The following TMEM52B variants were observed in gnomAD, a reference collection of about 807,000 sequenced individuals.
The protein encoded by TMEM52B is transmembrane protein 52B.
TMEM52B carries 11 observed loss-of-function variants against 16.1 expected under a neutral mutation model. The ratio of observed to expected loss-of-function variants is 0.68; its 90% CI spans 0.43 to 1.13. The LOEUF is 1.13. Among genes scored for constraint, TMEM52B ranks in the 50% most tolerant of loss-of-function variants. The pLI, the probability that TMEM52B is intolerant of heterozygous loss-of-function variation, is 0.00. For missense variants in TMEM52B, 243 were observed against 230.4 expected, an observed-to-expected ratio of 1.05 and a Z score of -0.35; for synonymous variants, 101 against 93.8, an observed-to-expected ratio of 1.08 and a Z score of -0.45.
At chr12:10,188,886 G>A (rs1238988344) in intron 4 of TMEM52B, among the ~76,000 whole-genome samples, 6 of 151,596 alleles carry the variant, frequency 4.0e-5, no homozygotes, top group Non-Finnish European at 5.9e-5. Flanking sequence ...GCGTGGTGGC[G>A]GGCGCCTGTA....
intron 1 of TMEM52B, 88 bp from the exon 2 acceptor site, chr12:10,182,462 A>C (rs748811218): frequency 2.3e-5 from 34 of 1,492,778 alleles, no homozygotes; most frequent in Non-Finnish European, 2.9e-5. Context: ...TTGATCTAAC[A>C]CAGCACAACC....
chr12:10,173,728 G>A (rs1948743431), intron 1 of TMEM52B, among the ~76,000 whole-genome samples: 1 of 145,900 alleles, frequency 6.9e-6, no homozygotes, highest in Non-Finnish European at 1.5e-5. Context: ...TTGTGCCACT[G>A]TACTCCAGCC....
chr12:10,186,666 C>A, intron 4 of TMEM52B, 77 bp downstream of exon 4: 3 of 1,354,804 alleles, frequency 2.2e-6, no homozygotes, highest in Non-Finnish European at 2.9e-6. Context: ...AGGTGTAGAA[C>A]CACTGATCGA....
chr12:10,170,608 C>T (rs950834866), exon 1 of TMEM52B: 1 of 151,144 alleles, frequency 6.6e-6, no homozygotes, highest in Non-Finnish European at 1.5e-5. Flanking sequence ...TCTCCTGCCT[C>T]AGCCTCCTGA....
upstream of TMEM52B, among the ~76,000 whole-genome samples, chr12:10,175,094 T>A (rs549191364): frequency 6.6e-6 from 1 of 152,330 alleles, no homozygotes; most frequent in East Asian, 1.9e-4. Flanking sequence ...GCTCTCATTA[T>A]TCCTGCCTCC....
At chr12:10,187,527 C>T (rs1033540275) in intron 4 of TMEM52B, among the ~76,000 whole-genome samples, 1 of 152,120 alleles carries the variant, frequency 6.6e-6, no homozygotes, top group African/African-American at 2.4e-5. Context: ...GCCTCAGCCT[C>T]CTGAGTAGCT....
intron 2 of TMEM52B, among the ~76,000 whole-genome samples, chr12:10,183,117 TA>T (rs1948842202): frequency 1.3e-5 from 2 of 152,182 alleles, no homozygotes; most frequent in Non-Finnish European, 2.9e-5. Context: ...GACATGAAGA[TA>T]AAAATGCAAA....
chr12:10,187,639 G>A (rs909652977), intron 4 of TMEM52B, among the ~76,000 whole-genome samples: 1 of 151,412 alleles, frequency 6.6e-6, no homozygotes, highest in African/African-American at 2.4e-5. Flanking sequence ...TACCATGTTG[G>A]CCAGGCTGGT....
upstream of TMEM52B, among the ~76,000 whole-genome samples, chr12:10,178,191 G>A (rs915475163): frequency 2.0e-5 from 3 of 149,866 alleles, no homozygotes; most frequent in Non-Finnish European, 3.0e-5. Context: ...CATGGCACCC[G>A]GCCACATTTG....
chr12:10,180,754 T>C (rs984237866), intron 1 of TMEM52B, among the ~76,000 whole-genome samples: 3 of 152,222 alleles, frequency 2.0e-5, no homozygotes, highest in Admixed American at 2.0e-4. Flanking sequence ...CTCAGGTTAT[T>C]AGAAGACAGA....
chr12:10,187,740 T>C (rs1948897727), intron 4 of TMEM52B, among the ~76,000 whole-genome samples: 1 of 152,092 alleles, frequency 6.6e-6, no homozygotes, highest in African/African-American at 2.4e-5. Flanking sequence ...CTATGCTCTT[T>C]CCTAAAATTG....
At chr12:10,184,477 C>G (rs1247552947) in intron 2 of TMEM52B, among the ~76,000 whole-genome samples, 1 of 152,062 alleles carries the variant, frequency 6.6e-6, no homozygotes, top group African/African-American at 2.4e-5. Context: ...GGATCGGATC[C>G]TATCTCCAAG....
chr12:10,176,784 T>C (rs938797940), upstream of TMEM52B, among the ~76,000 whole-genome samples: 1 of 152,208 alleles, frequency 6.6e-6, no homozygotes, highest in Non-Finnish European at 1.5e-5. Flanking sequence ...TTACTACTAT[T>C]ACCCCCATTT....
chr12:10,186,705 T>A, intron 4 of TMEM52B, 116 bp downstream of exon 4: 1 of 1,102,394 alleles, frequency 9.1e-7, no homozygotes, highest in South Asian at 3.0e-5. Flanking sequence ...GGACTCACAA[T>A]AATTTCCATT....
At chr12:10,173,048 G>A (rs960483668) in intron 1 of TMEM52B, among the ~76,000 whole-genome samples, 1 of 152,112 alleles carries the variant, frequency 6.6e-6, no homozygotes. Context: ...ATAATTATTA[G>A]TATAGTACTA....
chr12:10,186,406 G>A lies in TMEM52B; in HGVS notation c.138-14G>A, dbSNP rs747458900. On this transcript the variant is annotated splice_polypyrimidine_tract_variant and intron_variant, in intron 3 of 4. Transcript: ENST00000543484. ...AGATCCCAGAGCTCCCACTCGCCCC[G>A]TGGGCTTTTGCAGGTTGCTAGTGGT... 19 of 1,592,106 alleles carry A rather than the reference G, an allele frequency of 1.2e-5. No individual in the cohort carries two copies. The highest frequency in any genetic ancestry group is 2.3e-5 in the South Asian group (2 of 88,742).
rs1190118321 is a variant in TMEM52B, at chr12:10,179,208, A to G, written c.-367A>G. 9.8e-6 allele frequency: 2 copies of G among 203,390 alleles called. No homozygotes were observed. The highest frequency in any genetic ancestry group is 2.1e-4 in the East Asian group (2 of 9,626). 12.6% of individuals were successfully genotyped at this position (203,390 alleles called of 1,614,324 possible). On this transcript the variant is annotated 5_prime_UTR_variant, in exon 1 of 5. Transcript: ENST00000543484. ...CTGTCTAGAAAAATACTTCATTCAG[A>G]GGACACATATGTCCTCTTTGAATGT...
At chr12:10,185,449 A>C in intron 3 of TMEM52B, 81 bp downstream of exon 3, 1 of 1,037,254 alleles carries the variant, frequency 9.6e-7, no homozygotes, top group Non-Finnish European at 1.5e-6. Flanking sequence ...CTTACTTAGC[A>C]TCTCATGGAG....
intron 4 of TMEM52B, among the ~76,000 whole-genome samples, chr12:10,187,197 G>A (rs934864819): frequency 1.5e-5 from 2 of 135,088 alleles, no homozygotes; most frequent in African/African-American, 2.8e-5. Flanking sequence ...TCCGCCTTCC[G>A]GGTTCAAGTA....
Sources: allele counts gnomAD v4.1 joint callset (sites outside exome capture counted in the v4.1 genomes callset), GRCh38; gene constraint gnomAD v4.1.1; transcripts MANE v1.5; gene names NCBI Gene and HGNC (gene_info 2026-07-23, HGNC 2026-07-21).